The following PCDHGA10 variants were observed in gnomAD, a reference collection of about 807,000 sequenced individuals.
PCDHGA10 encodes the protein protocadherin gamma subfamily A, 10, also known as protocadherin gamma-A10.
A neutral mutation model predicts 59.5 loss-of-function variants in PCDHGA10; 42 were observed. The observed-to-expected ratio is 0.71, with a 90% confidence interval of 0.55 to 0.91. PCDHGA10 has a LOEUF of 0.91. Among genes scored for constraint, PCDHGA10 ranks in the 40% least tolerant of loss-of-function variants. PCDHGA10 has a pLI of 0.00. For synonymous variants in PCDHGA10, 511 were observed against 517.2 expected, an observed-to-expected ratio of 0.99 and a Z score of 0.16; for missense variants, 1,111 against 1,198.2, an observed-to-expected ratio of 0.93 and a Z score of 1.07.
rs1307889557 is a variant in PCDHGA10, at chr5:141,486,267, C to G, written c.2437-8540C>G. On this transcript the variant is annotated intron_variant, in intron 1 of 3. Transcript: ENST00000398610. The surrounding 1 kb of genome is among the most constrained non-coding windows in gnomAD (Gnocchi z 5.0). ...GGAACCCTCCCCGAGAGTGCAGAAC[C>G]TGGCACTGTGGTGGCACTTATCAGT... 1 of 1,614,128 alleles carries G rather than the reference C, an allele frequency of 6.2e-7. No homozygotes were observed. Among genetic ancestry groups the G allele is most frequent in the South Asian group, 1.1e-5 (1 of 91,072 alleles).
chr5:141,447,514 C>T (rs901543835), intron 1 of PCDHGA10, among the ~76,000 whole-genome samples: 20 of 152,196 alleles, frequency 1.3e-4, no homozygotes, highest in Admixed American at 8.5e-4. Context: ...AGATGCATAA[C>T]AATCATAACA....
At chr5:141,429,945 T>C (rs1443623730) in intron 1 of PCDHGA10, among the ~76,000 whole-genome samples, 1 of 152,222 alleles carries the variant, frequency 6.6e-6, no homozygotes, top group East Asian at 1.9e-4. Flanking sequence ...ACTTCCATTA[T>C]TTCCAGTCAA....
At chr5:141,473,801 T>C (rs1593456345) in intron 1 of PCDHGA10, among the ~76,000 whole-genome samples, 1 of 152,226 alleles carries the variant, frequency 6.6e-6, no homozygotes, top group East Asian at 1.9e-4. Flanking sequence ...ATGATGCTAC[T>C]GAGGAGCAGC....
intron 1 of PCDHGA10, chr5:141,433,123 C>G (rs575738328): frequency 3.7e-6 from 6 of 1,614,116 alleles, no homozygotes; most frequent in Non-Finnish European, 5.1e-6. Context: ...TTGAAAAAAG[C>G]GAGCCCCTTT....
Position 141,477,044 on chromosome 5 carries a change from C to T in PCDHGA10, c.2437-17763C>T, listed in dbSNP as rs750525889. ...CGGGATGCTGACAATCAAGGGTCGG[C>T]TGGACTTCGAGGACACCAAACTCCA... On this transcript the variant is annotated intron_variant, in intron 1 of 3. Coordinates refer to ENST00000398610, the MANE Select transcript of PCDHGA10 (RefSeq NM_018913.3). The surrounding 1 kb of genome is among the most constrained non-coding windows in gnomAD (Gnocchi z 4.9). 6.2e-7 allele frequency: 1 copy of T among 1,614,246 alleles called. No individual in the cohort carries two copies. Among genetic ancestry groups the T allele is most frequent in the Non-Finnish European group, 8.5e-7 (1 of 1,180,034 alleles).
chr5:141,419,715 T>A, intron 1 of PCDHGA10: 5 of 1,613,288 alleles, frequency 3.1e-6, no homozygotes, highest in Non-Finnish European at 4.2e-6. Context: ...CTCTTCAGCC[T>A]GGGGCTGCGA....
intron 1 of PCDHGA10, chr5:141,427,942 T>C (rs1561832592): frequency 6.3e-7 from 1 of 1,586,106 alleles, no homozygotes; most frequent in Non-Finnish European, 8.6e-7. Context: ...GTGGGCGACC[T>C]CAATGACAAT....
Position 141,432,089 on chromosome 5 carries a change from G to A in PCDHGA10, c.2436+16478G>A, listed in dbSNP as rs1325165974. On this transcript the variant is annotated intron_variant, in intron 1 of 3. Transcript: ENST00000398610. The surrounding 1 kb of genome is among the most constrained non-coding windows in gnomAD (Gnocchi z 6.0). Reference sequence around the variant, plus strand: ...AACTCATATCTCGCTGAACGTGGCAGACACCAACGACAACCCGCCGGTCTT... The same window carrying A: ...AACTCATATCTCGCTGAACGTGGCAAACACCAACGACAACCCGCCGGTCTT... The A allele has an allele frequency of 6.2e-7, 1 of 1,614,046 alleles. No homozygotes were observed. Among genetic ancestry groups the A allele is most frequent in the Non-Finnish European group, 8.5e-7 (1 of 1,180,052 alleles).
intron 1 of PCDHGA10, among the ~76,000 whole-genome samples, chr5:141,482,526 C>T (rs1198022164): frequency 1.5e-5 from 1 of 68,582 alleles, no homozygotes; most frequent in African/African-American, 9.7e-5. Flanking sequence ...ATGAGACAGA[C>T]ATGCAAAAAA....
intron 1 of PCDHGA10, among the ~76,000 whole-genome samples, chr5:141,425,812 G>A (rs1472168775): frequency 6.6e-6 from 1 of 152,054 alleles, no homozygotes; most frequent in African/African-American, 2.4e-5. Context: ...CTTCTGCTTA[G>A]AAAAAAACAA....
At chr5:141,495,104 G>C (rs552664771) in intron 2 of PCDHGA10, among the ~76,000 whole-genome samples, 16 of 152,194 alleles carry the variant, frequency 1.1e-4, no homozygotes, top group Admixed American at 8.5e-4. Flanking sequence ...CGCCACGACC[G>C]GCACCTTTTC....
intron 1 of PCDHGA10, among the ~76,000 whole-genome samples, chr5:141,467,062 T>C (rs2099136058): frequency 6.6e-6 from 1 of 151,686 alleles, no homozygotes; most frequent in South Asian, 2.1e-4. Context: ...TTTCTTTTTT[T>C]TTTTTTTTTA....
At chr5:141,463,165 C>G (rs1042153238) in intron 1 of PCDHGA10, among the ~76,000 whole-genome samples, 1 of 152,148 alleles carries the variant, frequency 6.6e-6, no homozygotes, top group Non-Finnish European at 1.5e-5. Context: ...TCAGTGCACT[C>G]TATGTATGCT....
intron 1 of PCDHGA10, among the ~76,000 whole-genome samples, chr5:141,458,380 G>T (rs1592559992): frequency 6.6e-6 from 1 of 152,136 alleles, no homozygotes; most frequent in African/African-American, 2.4e-5. Flanking sequence ...AAGAGAGAAG[G>T]AAGACGCTCC....
chr5:141,417,518 G>C (rs193231266), intron 1 of PCDHGA10: 8 of 257,454 alleles, frequency 3.1e-5, no homozygotes, highest in Non-Finnish European at 5.1e-5. Context: ...TATTTTGGCT[G>C]TCAACTCGTA....
intron 1 of PCDHGA10, among the ~76,000 whole-genome samples, chr5:141,454,649 G>A (rs1202153817): frequency 6.6e-6 from 1 of 151,800 alleles, no homozygotes; most frequent in Non-Finnish European, 1.5e-5. Context: ...CAGGTGATCT[G>A]CCCACCTCGG....
intron 1 of PCDHGA10, among the ~76,000 whole-genome samples, chr5:141,458,982 C>G (rs2098958289): frequency 6.6e-6 from 1 of 152,164 alleles, no homozygotes; most frequent in Admixed American, 6.5e-5. Flanking sequence ...GTCCTCCTGC[C>G]TCACCCTCCC....
intron 1 of PCDHGA10, chr5:141,420,323 A>G (rs753373746): frequency 2.1e-6 from 3 of 1,410,102 alleles, no homozygotes; most frequent in East Asian, 2.4e-5. Flanking sequence ...CAATATGCCA[A>G]TATATTCCAA....
rs2097401329 is a variant in PCDHGA10 at position 141,431,623 on chromosome 5, G to A, written c.2436+16012G>A. 1 of 1,614,192 alleles carries A rather than the reference G, an allele frequency of 6.2e-7. No homozygotes were observed. The highest frequency in any genetic ancestry group is 1.7e-5 in the Admixed American group (1 of 60,028). On this transcript the variant is annotated intron_variant, in intron 1 of 3. Coordinates refer to ENST00000398610, the MANE Select transcript of PCDHGA10 (RefSeq NM_018913.3). This position sits in a 1 kb window ranked among gnomAD's most constrained non-coding sequence, Gnocchi z 4.8. ...CCTTCCGGTATGTGGACGACAAGGC[G>A]GCCCAAGTTTTCAAACTAGATTGTA...
Sources: allele counts gnomAD v4.1 joint callset (sites outside exome capture counted in the v4.1 genomes callset), GRCh38; gene constraint gnomAD v4.1.1; non-coding constraint Gnocchi (gnomAD v3.1); transcripts MANE v1.5; gene names NCBI Gene and HGNC (gene_info 2026-07-23, HGNC 2026-07-21).